STK38L: variants seen among roughly 807,000 people sequenced by gnomAD.
STK38L encodes serine/threonine-protein kinase 38-like.
A neutral mutation model predicts 59.7 loss-of-function variants in STK38L; 28 were observed. That is an observed-to-expected ratio of 0.47 (90% CI 0.35 to 0.64). The LOEUF is 0.64. STK38L is among the 30% of genes least tolerant of loss of function. The pLI, the probability that STK38L is intolerant of heterozygous loss-of-function variation, is 0.01. For missense variants in STK38L, 314 were observed against 555.8 expected (o/e 0.56, Z 4.37); for synonymous variants, 162 against 176.8 (o/e 0.92, Z 0.66).
At chr12:27,318,822 T>C (rs921515067) in intron 11 of STK38L, among the ~76,000 whole-genome samples, 1 of 152,130 alleles carries the variant, frequency 6.6e-6, no homozygotes, top group African/African-American at 2.4e-5. Context: ...AAACCCCGTC[T>C]CTACTAAAAA....
intron 1 of STK38L, among the ~76,000 whole-genome samples, chr12:27,256,817 T>C (rs1467128853): frequency 1.3e-5 from 2 of 152,202 alleles, no homozygotes; most frequent in African/African-American, 4.8e-5. Context: ...AGTATCTTCA[T>C]TGAATTTGTT....
At chr12:27,250,674 C>G (rs1334497048) in intron 1 of STK38L, among the ~76,000 whole-genome samples, 2 of 151,982 alleles carry the variant, frequency 1.3e-5, no homozygotes, top group African/African-American at 4.8e-5. Context: ...TGCCCAGGGA[C>G]ACACAGGTAG....
chr12:27,302,185 A>C lies in STK38L; in HGVS notation c.183A>C (p.Glu61Asp). The change falls in exon 3 of 14, where the codon GAA becomes GAC. Residue 61 changes from glutamate to aspartate, a missense_variant. Glu to Asp is a conservative substitution (Grantham distance 45). Around this residue, in one of 3 missense-constraint regions of STK38L, gnomAD observed 192 missense variants for 316.9 expected, o/e 0.61. Coordinates refer to ENST00000389032, the MANE Select transcript of STK38L (RefSeq NM_015000.4). ...TGGAAGAAGAAGGATTAGCAGATGA[A>C]GAGGTAATGTAATTACCTATAATTA... ...VAMEEEGLAD[E>D]EKKLRRSQHA... is the part of the protein sequence containing the mutation. 1.2e-6 allele frequency: 2 copies of C among 1,607,096 alleles called. No individual in the cohort carries two copies. The highest frequency in any genetic ancestry group is 2.2e-5 in the East Asian group (1 of 44,482).
At chr12:27,309,068 AC>A (rs1565551092) in intron 4 of STK38L, 45 bp from the exon 5 acceptor site, 17 of 1,379,292 alleles carry the variant, frequency 1.2e-5, no homozygotes, top group Non-Finnish European at 1.4e-5. Flanking sequence ...TCTTTCCTGA[AC>A]AAATAGTAGT....
intron 3 of STK38L, among the ~76,000 whole-genome samples, chr12:27,303,038 G>A (rs1021571355): frequency 4.8e-5 from 7 of 146,394 alleles, no homozygotes; most frequent in African/African-American, 1.5e-4. Context: ...AAAAAAATTG[G>A]TATACCTTCA....
chr12:27,266,129 T>C (rs141811703), intron 1 of STK38L, among the ~76,000 whole-genome samples: 110 of 152,374 alleles, frequency 7.2e-4, no homozygotes, highest in African/African-American at 2.4e-3. Flanking sequence ...TCAGACTTTT[T>C]TCTTAAGAAT....
chr12:27,280,201 A>AT (rs1943623548), intron 1 of STK38L, among the ~76,000 whole-genome samples: 1 of 152,168 alleles, frequency 6.6e-6, no homozygotes, highest in African/African-American at 2.4e-5. Context: ...AGGCAATGTT[A>AT]TTTTCAAATC....
chr12:27,320,464 T>TTTTTTTTTTG (rs1944700001), intron 12 of STK38L, among the ~76,000 whole-genome samples: 1 of 136,048 alleles, frequency 7.4e-6, no homozygotes, highest in African/African-American at 2.7e-5. Context: ...TTTTTTTTTT[T>TTTTTTTTTTG]GTAGAGATGG....
chr12:27,260,594 A>G (rs886342055), intron 1 of STK38L, among the ~76,000 whole-genome samples: 1 of 151,912 alleles, frequency 6.6e-6, no homozygotes, highest in African/African-American at 2.4e-5. Context: ...CTTACTGCAT[A>G]CCTCTGCTTC....
At chr12:27,275,706 A>T (rs1286372830) in intron 1 of STK38L, among the ~76,000 whole-genome samples, 1 of 152,208 alleles carries the variant, frequency 6.6e-6, no homozygotes, top group Non-Finnish European at 1.5e-5. Context: ...CACATGTGAC[A>T]CTGCCTGGCA....
chr12:27,273,287 G>A (rs1040881267), intron 1 of STK38L, among the ~76,000 whole-genome samples: 1 of 152,098 alleles, frequency 6.6e-6, no homozygotes, highest in Admixed American at 6.5e-5. Flanking sequence ...TGGTGCCTCC[G>A]TTTCTATATG....
intron 1 of STK38L, among the ~76,000 whole-genome samples, chr12:27,264,888 C>T (rs908097004): frequency 1.3e-5 from 2 of 152,130 alleles, no homozygotes; most frequent in African/African-American, 4.8e-5. Flanking sequence ...AACAGCTAGA[C>T]AAGACTGGCT....
In STK38L at chr12:27,265,266, G is replaced by A. The variant is rs139929029; in HGVS notation, c.-12+20934G>A. On this transcript the variant is annotated intron_variant, in intron 1 of 13. Transcript: ENST00000389032. The stretch of plus-strand genomic sequence containing the variant: ...ATGCATATAAAGGGATAGGAAATAT[G>A]TATGTGTGTATGTGTGTGTATAGGA... Among the ~76,000 whole-genome samples the A allele has an allele frequency of 8.5e-5, 13 of 152,290 alleles. No homozygotes were observed. The East Asian group carries it at 2.1e-3, about 25-fold the overall frequency.
At chr12:27,318,084 C>CG (rs1944630775) in intron 11 of STK38L, 65 bp downstream of exon 11, 1 of 1,588,090 alleles carries the variant, frequency 6.3e-7, no homozygotes, top group African/African-American at 1.4e-5. Context: ...CTAAAAGACT[C>CG]ATTTCACTTT....
chr12:27,275,082 T>C (rs1212085312), intron 1 of STK38L, among the ~76,000 whole-genome samples: 1 of 152,210 alleles, frequency 6.6e-6, no homozygotes, highest in African/African-American at 2.4e-5. Flanking sequence ...TTAAATGGCT[T>C]CCTTACCACT....
intron 1 of STK38L, among the ~76,000 whole-genome samples, chr12:27,252,073 G>A (rs557330603): frequency 1.2e-3 from 188 of 152,108 alleles, no homozygotes; most frequent in Non-Finnish European, 2.2e-3. Context: ...TCTGCCTCCC[G>A]GGTTCACGCC....
chr12:27,245,908 A>G (rs2136596272), intron 1 of STK38L: 1 of 152,306 alleles, frequency 6.6e-6, no homozygotes, highest in East Asian at 1.9e-4. Context: ...TGTGTTTAGA[A>G]TGAGAAGCAA....
intron 1 of STK38L, among the ~76,000 whole-genome samples, chr12:27,272,540 C>T (rs1184814342): frequency 6.6e-6 from 1 of 152,180 alleles, no homozygotes; most frequent in Non-Finnish European, 1.5e-5. Flanking sequence ...CAAGGCATCA[C>T]ACAGATTGAA....
At chr12:27,312,865 T>A (rs189555638) in intron 6 of STK38L, among the ~76,000 whole-genome samples, 193 bp downstream of exon 6, 12 of 152,362 alleles carry the variant, frequency 7.9e-5, no homozygotes, top group African/African-American at 2.9e-4. Context: ...ATTATAAAGT[T>A]AGCACATTTT....
Sources: gnomAD v4.1 joint callset for allele counts (sites outside exome capture counted in the v4.1 genomes callset) on GRCh38, gnomAD v4.1.1 for gene constraint, gnomAD v4.1.1 regional missense constraint, MANE v1.5 for transcripts, NCBI Gene and HGNC (gene_info 2026-07-23, HGNC 2026-07-21) for gene names.